GPS2: variants seen among roughly 807,000 people sequenced by gnomAD.
The protein encoded by GPS2 is G protein pathway suppressor 2.
In GPS2, 22 loss-of-function variants were observed where a neutral mutation model predicts 48.1. The ratio of observed to expected loss-of-function variants is 0.46; its 90% CI spans 0.33 to 0.65. The LOEUF (loss-of-function observed/expected upper bound fraction) is 0.65, where lower values mean the gene tolerates loss of function less well. Ranked by LOEUF, GPS2 falls within the 30% of genes least tolerant of loss-of-function variation. GPS2 has a pLI of 0.03. For missense variants in GPS2, 366 were observed against 406.8 expected, an observed-to-expected ratio of 0.90 and a Z score of 0.86; for synonymous variants, 202 against 142.5, an observed-to-expected ratio of 1.42 and a Z score of -2.98.
At chr17:7,314,034 A>G (rs1039864367) in intron 5 of GPS2, 46 bp from the exon 6 acceptor site, 2 of 1,604,648 alleles carry the variant, frequency 1.2e-6, no homozygotes, top group South Asian at 2.2e-5. Context: ...GGAGGCTGTG[A>G]CCTCCAAGAA....
intron 8 of GPS2, 43 bp downstream of exon 8, chr17:7,313,337 G>C (rs375158161): frequency 6.2e-7 from 1 of 1,610,764 alleles, no homozygotes; most frequent in Non-Finnish European, 8.5e-7. Context: ...AAACAGGGAG[G>C]GGAGGACCTG....
chr17:7,314,872 G>A (rs2072916768), intron 2 of GPS2, 87 bp downstream of exon 2: 1 of 1,451,874 alleles, frequency 6.9e-7, no homozygotes. Context: ...GGCAGCGGGC[G>A]CGCTGGTTGG....
Position 7,314,346 on chromosome 17 carries a change from G to C in GPS2, c.262C>G (p.Leu88Val), listed in dbSNP as rs11541828. The C allele has an allele frequency of 6.2e-7, 1 of 1,614,178 alleles. No homozygotes were observed. Reference sequence around the variant, plus strand: ...TCATGTAAAACTTTCTTGAGCTGCAGGAAAAGCTGGTGCTTCTCTTCCTGT... The same window carrying C: ...TCATGTAAAACTTTCTTGAGCTGCACGAAAAGCTGGTGCTTCTCTTCCTGT... ...ALQEEKHQLF[L>V]QLKKVLHEEE... Residue 88 changes from leucine (L) to valine (V), a missense_variant, in exon 4 of 11, where the codon CTG becomes GTG. Physicochemically the swap from Leu to Val is conservative, Grantham distance 32. Transcript: ENST00000380728.
chr17:7,313,000 T>C, intron 10 of GPS2, 29 bp downstream of exon 10: 2 of 1,517,856 alleles, frequency 1.3e-6, no homozygotes, highest in South Asian at 1.2e-5. Flanking sequence ...GTAGGGATTC[T>C]GACAGGTAAA....
At chr17:7,314,620 G>C in intron 2 of GPS2, 23 bp from the exon 3 acceptor site, 1 of 1,613,810 alleles carries the variant, frequency 6.2e-7, no homozygotes, top group Non-Finnish European at 8.5e-7. Context: ...GCAGAATGAA[G>C]AAGAGGCAGG....
rs2072925365 is a variant in GPS2, at chr17:7,315,345, C to T, written c.-82G>A. The stretch of plus-strand genomic sequence containing the variant: ...GCCCTTCCTACCCGCCTTCTCTGCG[C>T]TTTCTCAGCGGCTCCGACGCGCCCT... On this transcript the variant is annotated 5_prime_UTR_variant, in exon 1 of 11. Coordinates refer to ENST00000380728, the MANE Select transcript of GPS2 (RefSeq NM_004489.5). 2.5e-6 allele frequency: 1 copy of T among 393,234 alleles called. No individual in the cohort carries two copies. 24.4% of individuals were successfully genotyped at this position (393,234 alleles called of 1,614,324 possible). A position where few individuals can be genotyped will look rare whatever the true frequency, so the allele number is the denominator to read the frequency against.
chr17:7,313,979 C>T lies in GPS2; in HGVS notation c.407G>A (p.Gly136Glu). 3.7e-6 allele frequency: 6 copies of T among 1,613,850 alleles called. No homozygotes were observed. The highest frequency in any genetic ancestry group is 5.1e-6 in the Non-Finnish European group (6 of 1,179,822). The change falls in exon 6 of 11, where the codon GGA (glycine) becomes GAA (glutamate). Residue 136 changes from glycine to glutamate, a missense_variant. Gly to Glu is a moderately conservative substitution (Grantham distance 98). Coordinates refer to ENST00000380728, the MANE Select transcript of GPS2 (RefSeq NM_004489.5). ...THLLSMQGSPGGHNRPGTLMA... is the reference protein window; with the variant it reads ...THLLSMQGSPEGHNRPGTLMA... ...GAGGGTGCCTGGGCGATTGTGTCCT[C>T]CAGGGCTCCCTAGAAAGGGAGAAGG...
chr17:7,314,486 A>G lies in GPS2; in HGVS notation c.204+2T>C, dbSNP rs769805611. The stretch of plus-strand genomic sequence containing the variant: ...GCTGGGAAAGTTCAAGGGACTGCTT[A>G]CTTGTTCCTTGGTCTCCTCTAATGA... On this transcript the variant is annotated splice_donor_variant, in intron 3 of 10. Transcript: ENST00000380728. LOFTEE classifies it high-confidence loss of function. The G allele has an allele frequency of 6.2e-7, 1 of 1,614,192 alleles. No homozygotes were observed. Among genetic ancestry groups the G allele is most frequent in the Non-Finnish European group, 8.5e-7 (1 of 1,180,024 alleles).
At chr17:7,314,441 A>G (rs755684835) in intron 3 of GPS2, 38 bp from the exon 4 acceptor site, 2 of 1,613,960 alleles carry the variant, frequency 1.2e-6, no homozygotes, top group Non-Finnish European at 1.7e-6. Context: ...AGGCAGGGAG[A>G]GTCAAACGAA....
chr17:7,315,097 G>T lies in GPS2; in HGVS notation c.-45C>A. The T allele has an allele frequency of 1.4e-6, 2 of 1,478,336 alleles. No individual in the cohort carries two copies. The highest frequency in any genetic ancestry group is 1.2e-5 in the South Asian group (1 of 82,432). 91.6% of individuals were successfully genotyped at this position (1,478,336 alleles called of 1,614,324 possible). On this transcript the variant is annotated 5_prime_UTR_variant, in exon 2 of 11. Coordinates refer to ENST00000380728, the MANE Select transcript of GPS2 (RefSeq NM_004489.5). ...GGGCCGTGGGCGCCCGGCTGTCTCTGACTGCCAGACCTCAGACGGGGCCTG... is the reference window on the plus strand; with the variant it reads ...GGGCCGTGGGCGCCCGGCTGTCTCTTACTGCCAGACCTCAGACGGGGCCTG...
At chr17:7,315,151 C>T in intron 1 of GPS2, 32 bp from the exon 2 acceptor site, 1 of 848,936 alleles carries the variant, frequency 1.2e-6, no homozygotes, top group Non-Finnish European at 1.7e-6. Context: ...GAGGGGGCCG[C>T]GCCCGGCCCA....
chr17:7,313,856 G>A (rs141194990), intron 6 of GPS2, 50 bp downstream of exon 6: 263 of 1,570,254 alleles, frequency 1.7e-4, no homozygotes, highest in African/African-American at 2.8e-4. Context: ...CTGGTGGCAA[G>A]GATGCATGGA....
intron 8 of GPS2, 22 bp from the exon 9 acceptor site, chr17:7,313,313 G>A (rs1411316112): frequency 6.2e-7 from 1 of 1,612,412 alleles, no homozygotes; most frequent in Non-Finnish European, 8.5e-7. Context: ...AGAGGGGCAT[G>A]TGAGATGAGA....
Position 7,315,005 on chromosome 17 carries a change from C to T in GPS2, c.48G>A (p.Arg16=), listed in dbSNP as rs750554612. The T allele has an allele frequency of 3.1e-6, 5 of 1,604,222 alleles. No homozygotes were observed. Among genetic ancestry groups the T allele is most frequent in the Middle Eastern group, 3.8e-4 (2 of 5,314 alleles). The change falls in exon 2 of 11, where the codon AGG becomes AGA. Residue 16 remains arginine, a synonymous_variant. Coordinates refer to ENST00000380728, the MANE Select transcript of GPS2 (RefSeq NM_004489.5). ...CCATCATAATGTGCCGGTGCAGCGC[C>T]CTGGCCATGGCGTTGGAAAGCTTGG... ...ERPKLSNAMA[R]ALHRHIMMER... is the part of the protein sequence containing the mutation.
chr17:7,314,748 GA>G, intron 2 of GPS2, 151 bp from the exon 3 acceptor site: 1 of 1,471,490 alleles, frequency 6.8e-7, no homozygotes, highest in Non-Finnish European at 9.3e-7. Flanking sequence ...ATAGGGAACG[GA>G]AAGGCTTTAT....
Position 7,313,889 on chromosome 17 carries a change from T to C in GPS2, c.480+17A>G. On this transcript the variant is annotated intron_variant, in intron 6 of 10. Coordinates refer to ENST00000380728, the MANE Select transcript of GPS2 (RefSeq NM_004489.5). ...GGATGGAAGTACTAGGGGCTAGGCA[T>C]CCAATCCTACTCTCACCGTAAGCAC... 1 of 1,609,928 alleles carries C rather than the reference T, an allele frequency of 6.2e-7. No individual in the cohort carries two copies. The highest frequency in any genetic ancestry group is 8.5e-7 in the Non-Finnish European group (1 of 1,176,256).
chr17:7,312,888 T>G, intron 10 of GPS2, 49 bp from the exon 11 acceptor site: 1 of 1,550,362 alleles, frequency 6.5e-7, no homozygotes, highest in Non-Finnish European at 8.9e-7. Context: ...ATACTCTCCC[T>G]TCCACTTAAT....
chr17:7,313,236 G>A lies in GPS2; in HGVS notation c.780C>T (p.Asn260=). The change falls in exon 9 of 11, where the codon AAC becomes AAT. Residue 260 remains asparagine, a synonymous_variant. Coordinates refer to ENST00000380728, the MANE Select transcript of GPS2 (RefSeq NM_004489.5). Reference sequence around the variant, plus strand: ...CTGAGTCGGAGAAGCCAGTCTGCTGGTTAGCATGTTCCATCTGCTTTTGCA... The same window carrying A: ...CTGAGTCGGAGAAGCCAGTCTGCTGATTAGCATGTTCCATCTGCTTTTGCA... ...LSLQKQMEHA[N]QQTGFSDSSS... 6.2e-7 allele frequency: 1 copy of A among 1,614,182 alleles called. No homozygotes were observed. The highest frequency in any genetic ancestry group is 8.5e-7 in the Non-Finnish European group (1 of 1,180,014).
intron 10 of GPS2, 79 bp from the exon 11 acceptor site, chr17:7,312,918 C>G: frequency 2.0e-6 from 3 of 1,498,198 alleles, no homozygotes; most frequent in Non-Finnish European, 2.8e-6. Flanking sequence ...ATAACCACCC[C>G]CAAAGAGGAA....
Sources: gnomAD v4.1 joint callset for allele counts on GRCh38, gnomAD v4.1.1 for gene constraint, MANE v1.5 for transcripts, NCBI Gene and HGNC (gene_info 2026-07-23, HGNC 2026-07-21) for gene names.